PAQR5: variants seen among roughly 807,000 people sequenced by gnomAD.
PAQR5 encodes membrane progestin receptor gamma.
A neutral mutation model predicts 34.5 loss-of-function variants in PAQR5; 20 were observed. The observed-to-expected ratio is 0.58, with a 90% CI of 0.41 to 0.84. The LOEUF is 0.84. Ranked by LOEUF, PAQR5 falls within the 40% of genes least tolerant of loss-of-function variation. The pLI is 0.00. For synonymous variants in PAQR5, 131 were observed against 155.6 expected, an observed-to-expected ratio of 0.84 and a Z score of 1.18; for missense variants, 378 against 412.7, an observed-to-expected ratio of 0.92 and a Z score of 0.73.
At chr15:69,330,404 G>A (rs1047601960) in intron 1 of PAQR5, among the ~76,000 whole-genome samples, 2 of 152,180 alleles carry the variant, frequency 1.3e-5, no homozygotes, top group African/African-American at 2.4e-5. Flanking sequence ...CTGGGGACTA[G>A]ATTAACATTA....
intron 3 of PAQR5, among the ~76,000 whole-genome samples, chr15:69,368,873 C>G (rs1192278634): frequency 6.6e-6 from 1 of 152,066 alleles, no homozygotes; most frequent in Non-Finnish European, 1.5e-5. Context: ...TCAAGTGATG[C>G]TCCTGCCTCA....
At chr15:69,366,796 G>A (rs2055414848) in intron 3 of PAQR5, among the ~76,000 whole-genome samples, 1 of 152,028 alleles carries the variant, frequency 6.6e-6, no homozygotes, top group African/African-American at 2.4e-5. Context: ...TTCCACTATG[G>A]TGGCAAATTT....
At chr15:69,311,046 A>C (rs1336544978) in intron 1 of PAQR5, among the ~76,000 whole-genome samples, 5 of 27,868 alleles carry the variant, frequency 1.8e-4, no homozygotes, top group African/African-American at 5.1e-4. Flanking sequence ...CGCAAAAAAT[A>C]AAAAAAAAAA....
intron 7 of PAQR5, 80 bp from the exon 8 acceptor site, chr15:69,399,894 C>T: frequency 6.9e-7 from 1 of 1,456,696 alleles, no homozygotes; most frequent in South Asian, 1.3e-5. Context: ...CCCAAAGTCC[C>T]AGATGCAGGT....
intron 1 of PAQR5, among the ~76,000 whole-genome samples, chr15:69,301,690 T>C (rs897788252): frequency 6.6e-6 from 1 of 152,060 alleles, no homozygotes; most frequent in Non-Finnish European, 1.5e-5. Context: ...GAGCGGATTG[T>C]TATTTTCTCA....
chr15:69,333,219 A>AGG (rs2054428905), intron 1 of PAQR5, among the ~76,000 whole-genome samples: 1 of 152,052 alleles, frequency 6.6e-6, no homozygotes. Context: ...AAAACAGAGG[A>AGG]GGCACCACGA....
chr15:69,377,919 G>GGAACTT (rs1663664228), intron 3 of PAQR5, among the ~76,000 whole-genome samples: 1 of 152,142 alleles, frequency 6.6e-6, no homozygotes. Flanking sequence ...CTTGAGCCCA[G>GGAACTT]GAGTTCAAGA....
chr15:69,375,840 C>T (rs1264250222), intron 3 of PAQR5, among the ~76,000 whole-genome samples: 1 of 152,208 alleles, frequency 6.6e-6, no homozygotes, highest in African/African-American at 2.4e-5. Flanking sequence ...TACTCTGCCT[C>T]TTCTCTTTCC....
intron 3 of PAQR5, among the ~76,000 whole-genome samples, chr15:69,365,957 C>A (rs1045478866): frequency 6.6e-6 from 1 of 152,174 alleles, no homozygotes; most frequent in Non-Finnish European, 1.5e-5. Flanking sequence ...AGTTGAGACA[C>A]AATTCACATA....
intron 1 of PAQR5, among the ~76,000 whole-genome samples, chr15:69,332,877 A>G (rs2054419046): frequency 6.6e-6 from 1 of 151,166 alleles, no homozygotes; most frequent in African/African-American, 2.4e-5. Flanking sequence ...AAAACTTATT[A>G]ATTTCATGTG....
At chr15:69,321,703 G>A (rs556414460) in intron 1 of PAQR5, among the ~76,000 whole-genome samples, 17 of 152,290 alleles carry the variant, frequency 1.1e-4, no homozygotes, top group South Asian at 2.1e-4. Context: ...TGAACACAGC[G>A]TGGCAACCAC....
In PAQR5 at chr15:69,337,355, A is replaced by C. The variant is rs1417444867; in HGVS notation, c.-262A>C. ...TTTTGTCACAGGACACCATTGGAGAAACTGGGCATTTTACCAAGGATTTGA... is the reference window on the plus strand; with the variant it reads ...TTTTGTCACAGGACACCATTGGAGACACTGGGCATTTTACCAAGGATTTGA... On this transcript the variant is annotated 5_prime_UTR_variant, in exon 2 of 9. Transcript: ENST00000395407. 3 of 152,282 alleles carry C rather than the reference A, an allele frequency of 2.0e-5. No homozygotes were observed. The highest frequency in any genetic ancestry group is 2.9e-5 in the Non-Finnish European group (2 of 68,044). The allele number at this position is 152,282 out of a possible 1,614,324, so 9.4% of individuals were successfully genotyped here.
intron 1 of PAQR5, among the ~76,000 whole-genome samples, chr15:69,310,749 T>C (rs1254842837): frequency 6.6e-6 from 1 of 151,954 alleles, no homozygotes; most frequent in Non-Finnish European, 1.5e-5. Flanking sequence ...TTAAGAATTA[T>C]GAGTGTTGGC....
intron 1 of PAQR5, among the ~76,000 whole-genome samples, chr15:69,334,949 G>A (rs985812137): frequency 4.6e-5 from 7 of 152,244 alleles, no homozygotes; most frequent in African/African-American, 7.2e-5. Context: ...TTGGCTGGGC[G>A]CGGTGGCTCA....
In PAQR5 at chr15:69,360,003, G is replaced by C; in HGVS notation, c.-78G>C. The C allele has an allele frequency of 8.8e-7, 1 of 1,133,304 alleles. No individual in the cohort carries two copies. Among genetic ancestry groups the C allele is most frequent in the Non-Finnish European group, 1.3e-6 (1 of 746,668 alleles). 70.2% of individuals were successfully genotyped at this position (1,133,304 alleles called of 1,614,324 possible). ...GCACCAGCTAGGCAGAGACGCCCCAGGCCATGTTAGAGCTTTGAGTGAGGC... is the reference window on the plus strand; with the variant it reads ...GCACCAGCTAGGCAGAGACGCCCCACGCCATGTTAGAGCTTTGAGTGAGGC... On this transcript the variant is annotated 5_prime_UTR_variant, in exon 3 of 9. Coordinates refer to ENST00000395407, the MANE Select transcript of PAQR5 (RefSeq NM_017705.4).
chr15:69,300,702 C>CTTTCTT (rs2053542048), intron 1 of PAQR5, among the ~76,000 whole-genome samples: 1 of 6,498 alleles, frequency 1.5e-4, no homozygotes, highest in African/African-American at 2.6e-4. Flanking sequence ...CTCTCTCTCT[C>CTTTCTT]TCTTTCTTTC....
intron 1 of PAQR5, among the ~76,000 whole-genome samples, chr15:69,302,793 C>T (rs1566988086): frequency 6.6e-6 from 1 of 152,200 alleles, no homozygotes; most frequent in Non-Finnish European, 1.5e-5. Flanking sequence ...CCCACCACCC[C>T]TGAGAGCTGT....
At chr15:69,380,990 G>A (rs1321359355) in intron 4 of PAQR5, among the ~76,000 whole-genome samples, 1 of 152,146 alleles carries the variant, frequency 6.6e-6, no homozygotes, top group African/African-American at 2.4e-5. Context: ...GGGCCAAAAT[G>A]CAGGGGCAGG....
chr15:69,317,468 G>A (rs944065788), intron 1 of PAQR5, among the ~76,000 whole-genome samples: 2 of 152,126 alleles, frequency 1.3e-5, no homozygotes, highest in African/African-American at 4.8e-5. Context: ...CCCTACCCAG[G>A]TCCATGCAGC....
Sources: allele counts gnomAD v4.1 joint callset (sites outside exome capture counted in the v4.1 genomes callset), GRCh38; gene constraint gnomAD v4.1.1; transcripts MANE v1.5; gene names NCBI Gene and HGNC (gene_info 2026-07-23, HGNC 2026-07-21).